Variants in ANKH observed in about 807,000 individuals in gnomAD.
ANKH encodes the protein ANKH inorganic pyrophosphate transport regulator.
A neutral mutation model predicts 49.0 loss-of-function variants in ANKH; 15 were observed. The ratio of observed to expected loss-of-function variants is 0.31; its 90% CI spans 0.20 to 0.47. ANKH has a LOEUF of 0.47. Ranked by LOEUF, ANKH falls within the 20% of genes least tolerant of loss-of-function variation. ANKH has a pLI of 1.00. For synonymous variants in ANKH, 273 were observed against 260.0 expected (o/e 1.05, Z -0.48); for missense variants, 429 against 652.0 (o/e 0.66, Z 3.72).
At chr5:14,764,073 A>G (rs258217) in intron 2 of ANKH, among the ~76,000 whole-genome samples, 80,453 of 151,376 alleles carry the variant, frequency 0.53, 21,903 homozygotes, top group East Asian at 0.73. Context: ...GGGTGACAGA[A>G]CGGAAAATAA....
chr5:14,766,695 T>C (rs1319951853), intron 2 of ANKH, among the ~76,000 whole-genome samples: 1 of 152,244 alleles, frequency 6.6e-6, no homozygotes. Flanking sequence ...TAAACCTAGA[T>C]GTATCTGATT....
intron 1 of ANKH, among the ~76,000 whole-genome samples, chr5:14,794,776 G>A (rs1194959492): frequency 1.3e-5 from 2 of 152,246 alleles, no homozygotes; most frequent in South Asian, 4.1e-4. Flanking sequence ...ACCAACATGT[G>A]GAACTGACTA....
At chr5:14,811,499 C>G (rs560070289) in intron 1 of ANKH, among the ~76,000 whole-genome samples, 2 of 152,106 alleles carry the variant, frequency 1.3e-5, no homozygotes, top group Non-Finnish European at 2.9e-5. Flanking sequence ...CTGGTGGGTG[C>G]GTACTATTGG....
At chr5:14,735,605 G>A (rs886420860) in intron 8 of ANKH, among the ~76,000 whole-genome samples, 8 of 152,200 alleles carry the variant, frequency 5.3e-5, no homozygotes, top group African/African-American at 1.9e-4. Flanking sequence ...TGTGAGCAGA[G>A]GCACATGCCC....
chr5:14,812,307 G>C (rs865938903), intron 1 of ANKH, among the ~76,000 whole-genome samples: 1 of 151,770 alleles, frequency 6.6e-6, no homozygotes, highest in Non-Finnish European at 1.5e-5. Context: ...GTGTCTGATG[G>C]GGACCATGCT....
chr5:14,833,546 G>T (rs1463385729), intron 1 of ANKH, among the ~76,000 whole-genome samples: 1 of 152,180 alleles, frequency 6.6e-6, no homozygotes, highest in Admixed American at 6.5e-5. Context: ...GTCCAGGGTG[G>T]GCTCCCAAAG....
At chr5:14,719,368 C>A (rs1244522843) in intron 8 of ANKH, among the ~76,000 whole-genome samples, 1 of 152,182 alleles carries the variant, frequency 6.6e-6, no homozygotes, top group Non-Finnish European at 1.5e-5. Context: ...GGTTGCTTTG[C>A]CAAGGCAAGT....
intron 1 of ANKH, among the ~76,000 whole-genome samples, chr5:14,853,013 G>A (rs1311968482): frequency 1.3e-5 from 2 of 151,956 alleles, no homozygotes; most frequent in Non-Finnish European, 2.9e-5. Flanking sequence ...ATCTCTCATC[G>A]GTGAGTTTTC....
At chr5:14,838,215 C>T (rs552282016) in intron 1 of ANKH, among the ~76,000 whole-genome samples, 8 of 148,716 alleles carry the variant, frequency 5.4e-5, no homozygotes, top group Non-Finnish European at 1.0e-4. Context: ...ATACATATGT[C>T]ACAAACCTGC....
chr5:14,799,092 C>T (rs550596269), intron 1 of ANKH, among the ~76,000 whole-genome samples: 3 of 152,296 alleles, frequency 2.0e-5, no homozygotes, highest in Admixed American at 6.5e-5. Context: ...ATTGCTGATA[C>T]GGAGAAAGTT....
intron 1 of ANKH, among the ~76,000 whole-genome samples, chr5:14,793,047 T>TATTTATAA (rs1209292505): frequency 3.1e-5 from 2 of 64,744 alleles, no homozygotes; most frequent in East Asian, 8.7e-4. Flanking sequence ...AATATATATA[T>TATTTATAA]AAATATATAT....
At position 14,729,139 on chromosome 5, in the gene ANKH, C is replaced by T. The variant is rs61442924; in HGVS notation, c.1012-12304G>A. Among the ~76,000 whole-genome samples the T allele has an allele frequency of 7.5e-3, 1,143 of 152,272 alleles. 85 individuals carry two copies. The East Asian group carries it at 0.15, about 20-fold the overall frequency. On this transcript the variant is annotated intron_variant, in intron 8 of 11. Coordinates refer to ENST00000284268, the MANE Select transcript of ANKH (RefSeq NM_054027.6). The stretch of plus-strand genomic sequence containing the variant: ...CATGATCTTGGCTCACTGCAACCTC[C>T]GCCTTCCGGGCTCAAGTAATTCTCC...
In ANKH at chr5:14,709,548, A is replaced by G. The variant is rs1207760924; in HGVS notation, c.*1649T>C. ...GCATTCTTTTTTGCTGTGAGGAACA[A>G]TATGATCACACAGCACTGAAAACGG... On this transcript the variant is annotated 3_prime_UTR_variant, in exon 12 of 12. Coordinates refer to ENST00000284268, the MANE Select transcript of ANKH (RefSeq NM_054027.6). 2.0e-5 allele frequency: 3 copies of G among 152,214 alleles called. No individual in the cohort carries two copies. The highest frequency in any genetic ancestry group is 4.8e-5 in the African/African-American group (2 of 41,460). 9.4% of individuals were successfully genotyped at this position (152,214 alleles called of 1,614,324 possible). A position where few individuals can be genotyped will look rare whatever the true frequency, so the allele number is the denominator to read the frequency against.
intron 1 of ANKH, among the ~76,000 whole-genome samples, chr5:14,831,962 C>T (rs1184991536): frequency 2.0e-5 from 3 of 152,060 alleles, no homozygotes; most frequent in Non-Finnish European, 2.9e-5. Flanking sequence ...TTGCTTTTAC[C>T]CTAAAATTTT....
At chr5:14,798,491 A>T (rs78753908) in intron 1 of ANKH, 20 of 852,336 alleles carry the variant, frequency 2.3e-5, no homozygotes, top group East Asian at 6.4e-5. Context: ...CGCGGTCTCT[A>T]TTTTTTTTTT....
intron 1 of ANKH, among the ~76,000 whole-genome samples, chr5:14,809,510 G>A (rs535961004): frequency 1.3e-5 from 2 of 152,030 alleles, no homozygotes; most frequent in Non-Finnish European, 2.9e-5. Flanking sequence ...AGCCGTGATC[G>A]TGCCACTGCA....
At chr5:14,736,794 G>T (rs534132184) in intron 8 of ANKH, among the ~76,000 whole-genome samples, 1 of 152,282 alleles carries the variant, frequency 6.6e-6, no homozygotes, top group African/African-American at 2.4e-5. Flanking sequence ...GTGCCTGGCT[G>T]GCTCTGCTTG....
rs1161346327 is a variant in ANKH at position 14,802,080 on chromosome 5, A to G, written c.97-32889T>C. On this transcript the variant is annotated intron_variant, in intron 1 of 11. Coordinates refer to ENST00000284268, the MANE Select transcript of ANKH (RefSeq NM_054027.6). Reference sequence around the variant, plus strand: ...TGTCGACAGTGCCAACACCGGGTCAATGTTCCTACCTGAGACTTCTCTCCT... The same window carrying G: ...TGTCGACAGTGCCAACACCGGGTCAGTGTTCCTACCTGAGACTTCTCTCCT... Among the ~76,000 whole-genome samples the G allele has an allele frequency of 4.6e-5, 7 of 152,042 alleles. 1 individual carries two copies. Among genetic ancestry groups the G allele is most frequent in the African/African-American group, 1.2e-4 (5 of 41,382 alleles).
intron 11 of ANKH, among the ~76,000 whole-genome samples, chr5:14,712,209 G>A (rs1310047318): frequency 6.6e-6 from 1 of 152,230 alleles, no homozygotes; most frequent in Non-Finnish European, 1.5e-5. Context: ...GTCCTGAGAT[G>A]CACGTCACGC....
Sources: allele counts gnomAD v4.1 joint callset (sites outside exome capture counted in the v4.1 genomes callset), GRCh38; gene constraint gnomAD v4.1.1; transcripts MANE v1.5; gene names NCBI Gene and HGNC (gene_info 2026-07-23, HGNC 2026-07-21).